Variants in NHSL1 observed in about 807,000 individuals in gnomAD.
NHSL1 encodes NHS-like protein 1.
NHSL1 carries 48 observed loss-of-function variants against 95.0 expected under a neutral mutation model. That is an observed-to-expected ratio of 0.51 (90% CI 0.40 to 0.64). NHSL1 has a LOEUF of 0.64. Ranked by LOEUF, NHSL1 falls within the 30% of genes least tolerant of loss-of-function variation. NHSL1 has a pLI of 0.00. For synonymous variants in NHSL1, 783 were observed against 833.9 expected (o/e 0.94, Z 1.05); for missense variants, 1,971 against 2,077.7 (o/e 0.95, Z 1.00).
chr6:138,611,598 T>A (rs1784512237), intron 1 of NHSL1, among the ~76,000 whole-genome samples: 1 of 151,584 alleles, frequency 6.6e-6, no homozygotes, highest in Admixed American at 6.6e-5. Flanking sequence ...TACAAAAAAT[T>A]AGCTGGGCGC....
intron 1 of NHSL1, among the ~76,000 whole-genome samples, chr6:138,607,953 AT>A (rs1433661654): frequency 6.6e-6 from 1 of 152,172 alleles, no homozygotes; most frequent in East Asian, 1.9e-4. Context: ...ACACTGTGGC[AT>A]TCCCATGCAC....
intron 1 of NHSL1, among the ~76,000 whole-genome samples, chr6:138,600,276 C>T (rs60283819): frequency 0.016 from 2,458 of 152,148 alleles, 73 homozygotes; most frequent in African/African-American, 0.054. Flanking sequence ...CTCTATTGCC[C>T]AGGCTGGAGT....
intron 1 of NHSL1, among the ~76,000 whole-genome samples, chr6:138,646,004 C>T (rs1785016205): frequency 6.6e-6 from 1 of 152,176 alleles, no homozygotes; most frequent in African/African-American, 2.4e-5. Context: ...TTTCTTTATA[C>T]TCTTTCAGGT....
intron 3 of NHSL1, among the ~76,000 whole-genome samples, chr6:138,447,971 T>C (rs1776972291): frequency 6.6e-6 from 1 of 152,204 alleles, no homozygotes; most frequent in African/African-American, 2.4e-5. Context: ...GTTGTTCAAC[T>C]ATTTGTGCTC....
chr6:138,588,064 G>A (rs1230218619), intron 1 of NHSL1, among the ~76,000 whole-genome samples: 4 of 152,234 alleles, frequency 2.6e-5, no homozygotes, highest in African/African-American at 4.8e-5. Flanking sequence ...ACTGCTGTGC[G>A]GCCCAGCACC....
At chr6:138,645,397 C>CCT (rs141726663) in intron 1 of NHSL1, among the ~76,000 whole-genome samples, 5 of 151,236 alleles carry the variant, frequency 3.3e-5, no homozygotes, top group Non-Finnish European at 7.4e-5. Context: ...AAATTGTAAC[C>CCT]CTCTCTCTCT....
chr6:138,610,894 G>A (rs9495154), intron 1 of NHSL1, among the ~76,000 whole-genome samples: 64,297 of 151,484 alleles, frequency 0.42, 15,683 homozygotes, highest in African/African-American at 0.68. Flanking sequence ...CCTGACGAAC[G>A]TGGTGAAATC....
At chr6:138,691,747 G>C (rs1361667059) in intron 1 of NHSL1, 5 of 355,200 alleles carry the variant, frequency 1.4e-5, no homozygotes, top group Non-Finnish European at 2.2e-5. Context: ...CTGCTGAAAT[G>C]AAATGGATCA....
intron 1 of NHSL1, among the ~76,000 whole-genome samples, chr6:138,544,374 T>C (rs914614479): frequency 4.6e-5 from 7 of 152,134 alleles, no homozygotes; most frequent in Non-Finnish European, 1.0e-4. Flanking sequence ...CTAGATACTC[T>C]CTGTAGTAAG....
At chr6:138,638,257 T>A (rs538393477) in intron 1 of NHSL1, among the ~76,000 whole-genome samples, 1 of 152,080 alleles carries the variant, frequency 6.6e-6, no homozygotes, top group South Asian at 2.1e-4. Flanking sequence ...TATAAAAAAA[T>A]AGAAAGAATA....
intron 1 of NHSL1, among the ~76,000 whole-genome samples, chr6:138,649,634 G>A (rs1442907600): frequency 6.6e-6 from 1 of 152,088 alleles, no homozygotes; most frequent in Non-Finnish European, 1.5e-5. Flanking sequence ...AGATGAGGAG[G>A]ACACATTCTG....
chr6:138,655,273 T>C (rs559676369), intron 1 of NHSL1, among the ~76,000 whole-genome samples: 78 of 152,354 alleles, frequency 5.1e-4, no homozygotes, highest in African/African-American at 1.8e-3. Context: ...ACCTCTGTTT[T>C]ATGTCCTGTC....
Position 138,433,270 on chromosome 6 carries a change from C to G in NHSL1, c.1075G>C (p.Gly359Arg). Residue 359 changes from glycine to arginine, a missense_variant, in exon 6 of 8, where the codon GGT (glycine) becomes CGT (arginine). Transcript: ENST00000343505. ...AAGTTTTCATCTGCTTGTGGGTGAC[C>G]TCTCTGGTAGAGGAAAGTGCCATTC... The part of the protein sequence containing the change: ...DMNGTFLYQR[G>R]HPQADENLGH... 1 of 1,551,568 alleles carries G rather than the reference C, an allele frequency of 6.4e-7. No homozygotes were observed. Among genetic ancestry groups the G allele is most frequent in the African/African-American group, 1.4e-5 (1 of 73,082 alleles).
chr6:138,424,656 T>C lies in NHSL1; in HGVS notation c.4246A>G (p.Ser1416Gly). The C allele has an allele frequency of 6.4e-7, 1 of 1,551,626 alleles. No individual in the cohort carries two copies. Among genetic ancestry groups the C allele is most frequent in the Non-Finnish European group, 8.7e-7 (1 of 1,146,988 alleles). ...QRSIRKSSTS[S>G]DNFKALLLKK... ...AGCAGCAGAGCTTTGAAGTTGTCAC[T>C]GCTGGTGCTGCTCTTTCGGATGCTT... is the stretch of plus-strand genomic sequence containing the variant. Residue 1416 changes from serine (S) to glycine (G), a missense_variant, in exon 8 of 8, where the codon AGT becomes GGT. By Grantham distance (56) the Ser-to-Gly change is moderately conservative. This residue lies in a region of NHSL1 where 146 missense variants were observed against 206.3 expected (regional missense o/e 0.71). Transcript: ENST00000343505. The surrounding 1 kb of genome is among the most constrained non-coding windows in gnomAD (Gnocchi z 5.9).
chr6:138,670,271 T>A (rs970705665), intron 1 of NHSL1, among the ~76,000 whole-genome samples: 4 of 150,374 alleles, frequency 2.7e-5, no homozygotes, highest in African/African-American at 9.8e-5. Flanking sequence ...CTTACATGAA[T>A]AGAGACAGCC....
At chr6:138,675,102 C>T (rs911193648) in intron 1 of NHSL1, among the ~76,000 whole-genome samples, 1 of 152,050 alleles carries the variant, frequency 6.6e-6, no homozygotes, top group African/African-American at 2.4e-5. Flanking sequence ...CAAACAGCCC[C>T]CTATTTACAA....
At chr6:138,647,112 A>G (rs982292791) in intron 1 of NHSL1, among the ~76,000 whole-genome samples, 9 of 152,212 alleles carry the variant, frequency 5.9e-5, no homozygotes, top group Non-Finnish European at 1.2e-4. Context: ...CTAATCTCCC[A>G]AAAACAGTGA....
chr6:138,539,282 C>T (rs1321492297), intron 1 of NHSL1, among the ~76,000 whole-genome samples: 4 of 152,220 alleles, frequency 2.6e-5, no homozygotes. Context: ...ACTGTTTAAT[C>T]ATGCAAAATC....
intron 3 of NHSL1, among the ~76,000 whole-genome samples, chr6:138,467,521 C>T (rs1052592236): frequency 5.9e-5 from 9 of 152,148 alleles, no homozygotes; most frequent in Admixed American, 1.3e-4. Context: ...AGCCTCAGGC[C>T]GGTCCTTCAG....
Sources: allele counts gnomAD v4.1 joint callset (sites outside exome capture counted in the v4.1 genomes callset), GRCh38; gene constraint gnomAD v4.1.1; regional missense constraint gnomAD v4.1.1; non-coding constraint Gnocchi (gnomAD v3.1); transcripts MANE v1.5; gene names NCBI Gene and HGNC (gene_info 2026-07-23, HGNC 2026-07-21).